Variants in KALRN observed in about 807,000 individuals in gnomAD.
KALRN encodes kalirin.
KALRN carries 70 observed loss-of-function variants against 353.7 expected under a neutral mutation model. The ratio of observed to expected loss-of-function variants is 0.20; its 90% CI spans 0.16 to 0.24. The LOEUF is 0.24. Ranked by LOEUF, KALRN falls within the 10% of genes least tolerant of loss-of-function variation. The pLI is 1.00. For synonymous variants in KALRN, 1,391 were observed against 1,434.8 expected, an observed-to-expected ratio of 0.97 and a Z score of 0.69; for missense variants, 2,791 against 3,756.7, an observed-to-expected ratio of 0.74 and a Z score of 6.72.
Position 124,671,751 on chromosome 3 carries a change from G to GCCCT in KALRN, c.6796_6799dup (p.Tyr2267SerfsTer19), listed in dbSNP as rs764324247. The GCCCT allele has an allele frequency of 6.2e-7, 1 of 1,614,102 alleles. No individual in the cohort carries two copies. Among genetic ancestry groups the GCCCT allele is most frequent in the Non-Finnish European group, 8.5e-7 (1 of 1,179,994 alleles). ...CCAGGCTTCCCCAAGCCAGCCCCAG[G>GCCCT]CCCTACTCCTCTGTTCCTGCGGGCT... On this transcript the variant is annotated frameshift_variant, in exon 48 of 60. Coordinates refer to ENST00000682506, the MANE Select transcript of KALRN (RefSeq NM_001388419.1). LOFTEE classifies it high-confidence loss of function.
Position 124,395,310 on chromosome 3 carries a change from C to T in KALRN, c.2138C>T (p.Ala713Val), listed in dbSNP as rs369298361. Residue 713 changes from alanine to valine, a missense_variant, in exon 12 of 60, where the codon GCG becomes GTG. Ala to Val is a moderately conservative substitution (Grantham distance 64, BLOSUM62 0). Coordinates refer to ENST00000682506, the MANE Select transcript of KALRN (RefSeq NM_001388419.1). ...GACCTTATCCAGCAGCTCAGGTCAG[C>T]GCCTCCCTCCCTCGGGGAGCCCAGC... Reference protein sequence around the residue: ...GEDLIQQLRSAPPSLGEPSEA... With the variant: ...GEDLIQQLRSVPPSLGEPSEA... The T allele has an allele frequency of 1.6e-5, 26 of 1,613,288 alleles. No homozygotes were observed. The highest frequency in any genetic ancestry group is 4.4e-5 in the South Asian group (4 of 90,930).
At chr3:124,518,475 G>A (rs2066877853) in intron 33 of KALRN, 1 of 1,613,850 alleles carries the variant, frequency 6.2e-7, no homozygotes, top group African/African-American at 1.3e-5. Context: ...CGCATCCTGG[G>A]ACTTGTCCCT....
At chr3:124,493,712 G>A (rs1229645867) in intron 32 of KALRN, among the ~76,000 whole-genome samples, 2 of 152,206 alleles carry the variant, frequency 1.3e-5, no homozygotes, top group African/African-American at 4.8e-5. Flanking sequence ...AGGGTAGGGA[G>A]CCATTTCAGG....
chr3:124,304,141 C>CACAT (rs2077492676), intron 6 of KALRN, among the ~76,000 whole-genome samples: 1 of 150,460 alleles, frequency 6.6e-6, no homozygotes, highest in Non-Finnish European at 1.5e-5. Context: ...CACACACACA[C>CACAT]ACACACACAC....
intron 33 of KALRN, among the ~76,000 whole-genome samples, chr3:124,498,088 A>G (rs2064075682): frequency 6.6e-6 from 1 of 152,218 alleles, no homozygotes. Context: ...ACCCAAGACA[A>G]TTCTAGTAGT....
At chr3:124,409,084 A>G (rs1040183603) in intron 13 of KALRN, among the ~76,000 whole-genome samples, 2 of 152,186 alleles carry the variant, frequency 1.3e-5, no homozygotes, top group African/African-American at 4.8e-5. Flanking sequence ...CAATTGTTAG[A>G]ATAGAAATAT....
chr3:124,398,419 A>G (rs1248254948), intron 12 of KALRN, among the ~76,000 whole-genome samples: 2 of 152,116 alleles, frequency 1.3e-5, no homozygotes, highest in Non-Finnish European at 2.9e-5. Context: ...CTCATGCATT[A>G]TTTCATCTTA....
At chr3:124,126,421 G>A (rs2064680137) in intron 1 of KALRN, among the ~76,000 whole-genome samples, 1 of 152,042 alleles carries the variant, frequency 6.6e-6, no homozygotes, top group South Asian at 2.1e-4. Flanking sequence ...AATATTTGAG[G>A]CTTCTTCCTG....
chr3:124,264,620 T>G lies in KALRN; in HGVS notation c.386T>G (p.Leu129Arg). The change falls in exon 4 of 60, where the codon CTC becomes CGC. Residue 129 changes from leucine (L) to arginine (R), a missense_variant. Transcript: ENST00000682506. ...EAFPAEIHVALIIKPDNFWQK... is the reference protein window; with the variant it reads ...EAFPAEIHVARIIKPDNFWQK... The stretch of plus-strand genomic sequence containing the variant: ...TTTCCAGCTGAGATCCATGTGGCCC[T>G]CATCATTAAACCCGACAACTTCTGG... The G allele has an allele frequency of 1.9e-6, 3 of 1,614,146 alleles. No homozygotes were observed. The highest frequency in any genetic ancestry group is 2.5e-6 in the Non-Finnish European group (3 of 1,180,022).
chr3:124,281,462 G>A (rs2149043974), intron 5 of KALRN, among the ~76,000 whole-genome samples: 1 of 152,262 alleles, frequency 6.6e-6, no homozygotes, highest in Middle Eastern at 3.4e-3. Context: ...TGGGCATTCA[G>A]CTCCCATCCC....
chr3:124,050,455 C>G (rs1286421703), intron 1 of KALRN, among the ~76,000 whole-genome samples: 2 of 152,200 alleles, frequency 1.3e-5, no homozygotes, highest in Non-Finnish European at 2.9e-5. Flanking sequence ...ATCCTCTCCC[C>G]TCCACACCAC....
rs1553885408 is a variant in KALRN at position 124,270,840 on chromosome 3, T to TG, written c.969+1585_969+1586insG. Reference sequence around the variant, plus strand: ...TTTTGTTTTGTTTTTTTTTTTTTTTTTTTTTTTGAGACGGAGTCTCGCTCT... The same window carrying TG: ...TTTTGTTTTGTTTTTTTTTTTTTTTTGTTTTTTTGAGACGGAGTCTCGCTCT... On this transcript the variant is annotated intron_variant, in intron 5 of 59. Coordinates refer to ENST00000682506, the MANE Select transcript of KALRN (RefSeq NM_001388419.1). Among the ~76,000 whole-genome samples the TG allele has an allele frequency of 5.9e-3, 861 of 146,516 alleles. 12 individuals are homozygous for TG. Among genetic ancestry groups the TG allele is most frequent in the African/African-American group, 0.016 (651 of 39,934 alleles).
At chr3:124,133,247 G>T (rs968361324) in intron 1 of KALRN, among the ~76,000 whole-genome samples, 25 of 152,158 alleles carry the variant, frequency 1.6e-4, no homozygotes, top group Admixed American at 2.0e-4. Context: ...CTCCATTCGG[G>T]AAAATCTGGG....
intron 51 of KALRN, among the ~76,000 whole-genome samples, chr3:124,681,616 T>C (rs906941142): frequency 6.6e-6 from 1 of 150,410 alleles, no homozygotes; most frequent in Admixed American, 6.7e-5. Context: ...TCCTTTTAAA[T>C]TTCAGTGATT....
chr3:124,558,530 C>T (rs1209169686), intron 33 of KALRN, among the ~76,000 whole-genome samples: 1 of 152,242 alleles, frequency 6.6e-6, no homozygotes, highest in Admixed American at 6.5e-5. Flanking sequence ...CCACCGCCCT[C>T]GGCCTCCCGA....
At chr3:124,355,709 CTTTTT>C (rs3055894) in intron 10 of KALRN, among the ~76,000 whole-genome samples, 4 of 97,446 alleles carry the variant, frequency 4.1e-5, no homozygotes, top group African/African-American at 8.1e-5. Context: ...TCTCTCCCAT[CTTTTT>C]TTTTTTTTTT....
At chr3:124,175,953 C>T (rs2072675262) in intron 1 of KALRN, among the ~76,000 whole-genome samples, 1 of 152,168 alleles carries the variant, frequency 6.6e-6, no homozygotes, top group Non-Finnish European at 1.5e-5. Flanking sequence ...TTTCTCAAGA[C>T]CTAAAATTTT....
chr3:124,047,579 GC>G (rs1250398130), intron 1 of KALRN, among the ~76,000 whole-genome samples: 1 of 146,804 alleles, frequency 6.8e-6, no homozygotes. Flanking sequence ...TGCAAGCTCT[GC>G]CCCCTGGGTT....
chr3:124,580,667 G>GC (rs919163210), intron 34 of KALRN, among the ~76,000 whole-genome samples: 3 of 152,160 alleles, frequency 2.0e-5, no homozygotes, highest in Non-Finnish European at 4.4e-5. Flanking sequence ...TGTCCTAGTA[G>GC]CTAGCTTCAG....
Sources: allele counts gnomAD v4.1 joint callset (sites outside exome capture counted in the v4.1 genomes callset), GRCh38; gene constraint gnomAD v4.1.1; transcripts MANE v1.5; gene names NCBI Gene and HGNC (gene_info 2026-07-23, HGNC 2026-07-21).